Variants in B4GALT1 observed in about 807,000 individuals in gnomAD.
B4GALT1 encodes beta-1,4-galactosyltransferase 1, also known as N-acetyllactosamine synthase.
A neutral mutation model predicts 34.9 loss-of-function variants in B4GALT1; 16 were observed. That is an observed-to-expected ratio of 0.46 (90% CI 0.31 to 0.70). The LOEUF is 0.70. Ranked by LOEUF, B4GALT1 falls within the 30% of genes least tolerant of loss-of-function variation. The pLI is 0.05. For synonymous variants in B4GALT1, 221 were observed against 218.1 expected (o/e 1.01, Z -0.12); for missense variants, 445 against 530.5 (o/e 0.84, Z 1.58).
downstream of B4GALT1, among the ~76,000 whole-genome samples, chr9:33,106,893 A>G (rs1839800572): frequency 6.6e-6 from 1 of 152,126 alleles, no homozygotes; most frequent in Non-Finnish European, 1.5e-5. Context: ...AGACAGCCAC[A>G]CGTAATGGTC....
intron 1 of B4GALT1, among the ~76,000 whole-genome samples, chr9:33,152,222 T>C (rs900560471): frequency 1.3e-5 from 2 of 152,016 alleles, no homozygotes; most frequent in Non-Finnish European, 2.9e-5. Context: ...GAGAATCGCT[T>C]GAACCCAGGA....
At chr9:33,120,999 C>A (rs757484767) in intron 2 of B4GALT1, among the ~76,000 whole-genome samples, 1 of 152,226 alleles carries the variant, frequency 6.6e-6, no homozygotes, top group African/African-American at 2.4e-5. Flanking sequence ...TAAACACATA[C>A]ATCATTTATT....
chr9:33,135,750 T>C (rs1587738090), intron 1 of B4GALT1, among the ~76,000 whole-genome samples: 1 of 152,248 alleles, frequency 6.6e-6, no homozygotes, highest in East Asian at 1.9e-4. Flanking sequence ...CCTGACAGGC[T>C]GTTGTAGAAA....
At chr9:33,142,411 C>A (rs2118195814) in intron 1 of B4GALT1, among the ~76,000 whole-genome samples, 1 of 152,272 alleles carries the variant, frequency 6.6e-6, no homozygotes, top group South Asian at 2.1e-4. Flanking sequence ...TATCCCATTC[C>A]TAGTAAGGAA....
intron 1 of B4GALT1, among the ~76,000 whole-genome samples, chr9:33,147,179 C>A (rs1840439252): frequency 6.6e-6 from 1 of 151,964 alleles, no homozygotes; most frequent in African/African-American, 2.4e-5. Context: ...CTATGACATA[C>A]ATTTGCTGAA....
At chr9:33,173,126 G>A in the B4GALT1 span, among the ~76,000 whole-genome samples, 2 of 152,122 alleles carry the variant, frequency 1.3e-5, no homozygotes, top group East Asian at 1.9e-4. Context: ...CCATATGGTC[G>A]GGCATGGTGG....
intron 5 of B4GALT1, 59 bp downstream of exon 5, chr9:33,113,715 G>C: frequency 6.2e-7 from 1 of 1,608,552 alleles, no homozygotes. Flanking sequence ...CCAGAGCCTC[G>C]GACCTGCAGC....
At chr9:33,115,620 CAGTT>C (rs1839928004) in intron 4 of B4GALT1, among the ~76,000 whole-genome samples, 1 of 152,146 alleles carries the variant, frequency 6.6e-6, no homozygotes, top group Non-Finnish European at 1.5e-5. Flanking sequence ...TCTGTGAAGA[CAGTT>C]AGGATTCTGC....
downstream of B4GALT1, among the ~76,000 whole-genome samples, chr9:33,109,666 C>A (rs1399936665): frequency 6.6e-6 from 1 of 152,204 alleles, no homozygotes; most frequent in African/African-American, 2.4e-5. Flanking sequence ...GCATAGGTCA[C>A]AACCAACTAC....
chr9:33,117,056 C>A (rs965758324), intron 3 of B4GALT1, among the ~76,000 whole-genome samples: 4 of 152,180 alleles, frequency 2.6e-5, no homozygotes, highest in African/African-American at 9.7e-5. Context: ...ATCTGCTTCT[C>A]CTGTGCTCTG....
At chr9:33,135,445 A>T in intron 1 of B4GALT1, 21 bp from the exon 2 acceptor site, 1 of 1,609,198 alleles carries the variant, frequency 6.2e-7, no homozygotes, top group Non-Finnish European at 8.5e-7. Context: ...GGAGGGAGGG[A>T]GAAGTTAGCA....
intron 1 of B4GALT1, among the ~76,000 whole-genome samples, chr9:33,144,779 C>T (rs542628460): frequency 6.6e-6 from 1 of 152,272 alleles, no homozygotes; most frequent in African/African-American, 2.4e-5. Flanking sequence ...AGGCACCAGT[C>T]GACCTGCCTG....
chr9:33,123,810 G>C (rs1345469426), intron 2 of B4GALT1, among the ~76,000 whole-genome samples: 1 of 152,224 alleles, frequency 6.6e-6, no homozygotes, highest in Non-Finnish European at 1.5e-5. Flanking sequence ...TGGCACCCTG[G>C]AGGAGAAGCC....
chr9:33,176,414 T>TA, the B4GALT1 span, among the ~76,000 whole-genome samples: 1 of 152,166 alleles, frequency 6.6e-6, no homozygotes, highest in Non-Finnish European at 1.5e-5. Context: ...GGCTGTGAAT[T>TA]ACAGTGCTGT....
intron 2 of B4GALT1, among the ~76,000 whole-genome samples, chr9:33,127,359 G>A (rs929625444): frequency 3.9e-5 from 6 of 152,192 alleles, no homozygotes; most frequent in South Asian, 4.1e-4. Context: ...GTGGCTTTCC[G>A]CAGATATATC....
Position 33,113,420 on chromosome 9 carries a change from C to T in B4GALT1, c.*34G>A. On this transcript the variant is annotated 3_prime_UTR_variant, in exon 6 of 6. Coordinates refer to ENST00000379731, the MANE Select transcript of B4GALT1 (RefSeq NM_001497.4). ...AGAGACACACAGCAGAGGTCCCTGGCTAATTTCAGGTCTCTTATCCGTGTA... is the reference window on the plus strand; with the variant it reads ...AGAGACACACAGCAGAGGTCCCTGGTTAATTTCAGGTCTCTTATCCGTGTA... 6.2e-7 allele frequency: 1 copy of T among 1,614,002 alleles called. No individual in the cohort carries two copies. The highest frequency in any genetic ancestry group is 8.5e-7 in the Non-Finnish European group (1 of 1,179,938).
chr9:33,131,106 C>A (rs1279414585), intron 2 of B4GALT1, among the ~76,000 whole-genome samples: 1 of 152,212 alleles, frequency 6.6e-6, no homozygotes, highest in Non-Finnish European at 1.5e-5. Context: ...CCCAGGCAGT[C>A]TGAGCACACA....
In B4GALT1 at chr9:33,122,020, C is replaced by T. The variant is rs1840027756; in HGVS notation, c.649-1414G>A. On this transcript the variant is annotated intron_variant, in intron 2 of 5. Transcript: ENST00000379731. ...AAGCCTCCTGCACACATGCTGTTAT[C>T]CTAACCAGAATCTTCACAACACCAA... is the stretch of plus-strand genomic sequence containing the variant. 2.6e-5 allele frequency among the ~76,000 whole-genome samples: 4 copies of T among 152,274 alleles called. 1 individual carries two copies. In the South Asian group the frequency reaches 8.3e-4, roughly 32 times the overall value.
intron 1 of B4GALT1, among the ~76,000 whole-genome samples, chr9:33,144,239 T>C (rs767517815): frequency 6.6e-6 from 1 of 151,906 alleles, no homozygotes; most frequent in South Asian, 2.1e-4. Context: ...TTTCTCTTTA[T>C]TTATTTATTT....
Sources: allele counts gnomAD v4.1 joint callset (sites outside exome capture counted in the v4.1 genomes callset), GRCh38; gene constraint gnomAD v4.1.1; transcripts MANE v1.5; gene names NCBI Gene and HGNC (gene_info 2026-07-23, HGNC 2026-07-21).